Variants in RBBP5 observed in about 807,000 individuals in gnomAD.
The protein encoded by RBBP5 is retinoblastoma-binding protein 5.
Under a neutral mutation model 72.2 loss-of-function variants are expected in RBBP5, and 5 were observed. The ratio of observed to expected loss-of-function variants is 0.07; its 90% CI spans 0.04 to 0.15. The LOEUF (loss-of-function observed/expected upper bound fraction) is 0.15. Among genes scored for constraint, RBBP5 ranks in the 10% least tolerant of loss-of-function variants. The probability of loss-of-function intolerance (pLI) is 1.00; values close to 1 mark genes in which losing one functional copy is unlikely to be tolerated. For synonymous variants in RBBP5, 209 were observed against 237.2 expected (o/e 0.88, Z 1.09); for missense variants, 322 against 652.2 (o/e 0.49, Z 5.51).
intron 3 of RBBP5, among the ~76,000 whole-genome samples, chr1:205,109,470 T>C (rs1485008933): frequency 1.3e-5 from 2 of 152,202 alleles, no homozygotes; most frequent in South Asian, 2.1e-4. Context: ...ACAGGTTTCG[T>C]TGCTATTCTT....
In RBBP5 at chr1:205,094,971, G is replaced by T; in HGVS notation, c.1490C>A (p.Ser497Tyr). 2 of 1,614,114 alleles carry T rather than the reference G, an allele frequency of 1.2e-6. No individual in the cohort carries two copies. The highest frequency in any genetic ancestry group is 1.7e-6 in the Non-Finnish European group (2 of 1,180,018). The change falls in exon 13 of 14, where the codon TCT (serine) becomes TAT (tyrosine). Residue 497 changes from serine to tyrosine, a missense_variant. Physicochemically the swap from Ser to Tyr is moderately radical, Grantham distance 144. Around this residue, in one of 6 missense-constraint regions of RBBP5, gnomAD observed 109 missense variants for 146.3 expected, o/e 0.75. Transcript: ENST00000264515. ...PKGSKGKEKD[S>Y]PFKPKLYKGD... The stretch of plus-strand genomic sequence containing the variant: ...TTTGTAGAGTTTCGGTTTAAATGGA[G>T]AATCTTTCTCTTTACCTTTTGATCC...
Position 205,096,655 on chromosome 1 carries a change from G to C in RBBP5, c.1396+27C>G, listed in dbSNP as rs781538971. On this transcript the variant is annotated intron_variant, in intron 12 of 13. Coordinates refer to ENST00000264515, the MANE Select transcript of RBBP5 (RefSeq NM_005057.4). ...GTGAGTAGAAAGTGGCGTCTGCCAGGCCAGAGGGAGAAGATGTAGCTCTTA... is the reference window on the plus strand; with the variant it reads ...GTGAGTAGAAAGTGGCGTCTGCCAGCCCAGAGGGAGAAGATGTAGCTCTTA... The C allele has an allele frequency of 2.0e-5, 32 of 1,601,358 alleles. No homozygotes were observed. The East Asian group carries it at 6.7e-4, about 34-fold the overall frequency.
Position 205,101,610 on chromosome 1 carries a change from G to A in RBBP5, c.622C>T (p.Arg208Trp), listed in dbSNP as rs1268179012. 8.7e-6 allele frequency: 14 copies of A among 1,609,110 alleles called. No individual in the cohort carries two copies. The highest frequency in any genetic ancestry group is 2.2e-5 in the South Asian group (2 of 90,192). ...TTAIKSIEFA[R>W]KGSCFLINTA... The stretch of plus-strand genomic sequence containing the variant: ...TAAGATCTCACTCACCTCCCCTTCC[G>A]GGCAAACTCAATTGACTTAATGGCT... Residue 208 changes from arginine (R) to tryptophan (W), a missense_variant, in exon 6 of 14, where the codon CGG becomes TGG. Coordinates refer to ENST00000264515, the MANE Select transcript of RBBP5 (RefSeq NM_005057.4).
intron 1 of RBBP5, among the ~76,000 whole-genome samples, chr1:205,117,136 C>G (rs1328279765): frequency 1.3e-5 from 2 of 152,012 alleles, no homozygotes; most frequent in African/African-American, 2.4e-5. Flanking sequence ...ACTGCAACAT[C>G]TGCTTCCCAA....
At chr1:205,104,201 C>G (rs1251597458) in intron 4 of RBBP5, among the ~76,000 whole-genome samples, 182 bp from the exon 5 acceptor site, 1 of 152,038 alleles carries the variant, frequency 6.6e-6, no homozygotes. Flanking sequence ...TAAAATTAGT[C>G]TTGACAAAAT....
At position 205,096,864 on chromosome 1, in the gene RBBP5, G is replaced by A. The variant is rs765106506; in HGVS notation, c.1214C>T (p.Ala405Val). The A allele has an allele frequency of 6.2e-7, 1 of 1,613,792 alleles. No individual in the cohort carries two copies. The highest frequency in any genetic ancestry group is 8.5e-7 in the Non-Finnish European group (1 of 1,179,870). ...TTCTTCTGGGTCTTCTACCTCAGGG[G>A]CAATGGGTAAATACAATAGAGCCTT... ...DSKALLYLPI[A>V]PEVEDPEENP... The change falls in exon 12 of 14, where the codon GCC becomes GTC. Residue 405 changes from alanine to valine, a missense_variant. Ala to Val is a moderately conservative substitution (Grantham distance 64). Coordinates refer to ENST00000264515, the MANE Select transcript of RBBP5 (RefSeq NM_005057.4).
intron 3 of RBBP5, among the ~76,000 whole-genome samples, chr1:205,107,706 G>T (rs1179183145): frequency 1.3e-5 from 2 of 152,182 alleles, no homozygotes; most frequent in African/African-American, 4.8e-5. Context: ...AGTACTTTGG[G>T]AGGCCAAGGT....
At position 205,104,880 on chromosome 1, in the gene RBBP5, C is replaced by T. The variant is rs151060515; in HGVS notation, c.359+148G>A. 22 of 899,956 alleles carry T rather than the reference C, an allele frequency of 2.4e-5. No individual in the cohort carries two copies. In the Middle Eastern group the frequency reaches 2.2e-3, roughly 90 times the overall value. The allele number at this position is 899,956 out of a possible 1,614,324, so 55.7% of individuals were successfully genotyped here. On this transcript the variant is annotated intron_variant, in intron 4 of 13. Transcript: ENST00000264515. Reference sequence around the variant, plus strand: ...AAAGAAAGAAATGTATTCAGTAGAGCCAACCTAGATGGAAAGATTATTTTA... The same window carrying T: ...AAAGAAAGAAATGTATTCAGTAGAGTCAACCTAGATGGAAAGATTATTTTA...
At chr1:205,119,749 T>C (rs1479936740) in intron 1 of RBBP5, among the ~76,000 whole-genome samples, 1 of 152,242 alleles carries the variant, frequency 6.6e-6, no homozygotes, top group Non-Finnish European at 1.5e-5. Context: ...GATTAATACA[T>C]GGAAGGCACT....
At position 205,108,918 on chromosome 1, in the gene RBBP5, C is replaced by T. The variant is rs147217375; in HGVS notation, c.219-3750G>A. Reference sequence around the variant, plus strand: ...TTCTTGGCTTGGCACATAATAAGTACTCAATGCCTGATACATAATAAGTGC... The same window carrying T: ...TTCTTGGCTTGGCACATAATAAGTATTCAATGCCTGATACATAATAAGTGC... On this transcript the variant is annotated intron_variant, in intron 3 of 13. Transcript: ENST00000264515. Among the ~76,000 whole-genome samples the T allele has an allele frequency of 1.1e-3, 167 of 152,260 alleles. 2 individuals carry two copies. The highest frequency in any genetic ancestry group is 1.9e-3 in the Non-Finnish European group (128 of 68,024).
At chr1:205,105,306 A>C in intron 3 of RBBP5, 138 bp from the exon 4 acceptor site, 1 of 909,246 alleles carries the variant, frequency 1.1e-6, no homozygotes, top group Non-Finnish European at 1.6e-6. Context: ...CGTATACTCA[A>C]ATCCATAAGC....
intron 1 of RBBP5, among the ~76,000 whole-genome samples, chr1:205,116,490 T>A (rs780202420): frequency 6.6e-6 from 1 of 152,190 alleles, no homozygotes; most frequent in African/African-American, 2.4e-5. Flanking sequence ...TCACACCTTT[T>A]GGGCATTTCA....
Position 205,109,574 on chromosome 1 carries a change from T to TA in RBBP5, c.219-4407dup, listed in dbSNP as rs61377352. On this transcript the variant is annotated intron_variant, in intron 3 of 13. Coordinates refer to ENST00000264515, the MANE Select transcript of RBBP5 (RefSeq NM_005057.4). ...CTTCTGTACTAGGGGGTGGGTGGGG[T>TA]AAAAAAAAAAAGAAAAAAAACCTAC... is the stretch of plus-strand genomic sequence containing the variant. Among the ~76,000 whole-genome samples the TA allele has an allele frequency of 9.3e-5, 14 of 150,662 alleles. No homozygotes were observed. The South Asian group carries it at 2.1e-3, about 23-fold the overall frequency.
chr1:205,094,386 C>T (rs1032853911), intron 13 of RBBP5, among the ~76,000 whole-genome samples: 1 of 152,120 alleles, frequency 6.6e-6, no homozygotes, highest in African/African-American at 2.4e-5. Flanking sequence ...GGGATTTGAA[C>T]AATTTGAAGA....
At chr1:205,098,232 A>G (rs146645374) in intron 10 of RBBP5, among the ~76,000 whole-genome samples, 126 of 152,340 alleles carry the variant, frequency 8.3e-4, no homozygotes, top group African/African-American at 2.9e-3. Flanking sequence ...AGATGAGGAA[A>G]TTCAGTTTAA....
chr1:205,104,704 G>A (rs910654920), intron 4 of RBBP5, among the ~76,000 whole-genome samples: 3 of 151,984 alleles, frequency 2.0e-5, no homozygotes, highest in Non-Finnish European at 2.9e-5. Context: ...AGCCAGGCAT[G>A]GTGGCACGCA....
At chr1:205,094,844 G>A in intron 13 of RBBP5, 29 bp downstream of exon 13, 1 of 1,588,022 alleles carries the variant, frequency 6.3e-7, no homozygotes, top group Non-Finnish European at 8.6e-7. Context: ...CACGAAGCAA[G>A]CCAGACAATG....
At position 205,099,938 on chromosome 1, in the gene RBBP5, C is replaced by T. The variant is rs1164642418; in HGVS notation, c.879G>A (p.Thr293=). 1.9e-6 allele frequency: 3 copies of T among 1,614,168 alleles called. No individual in the cohort carries two copies. Among genetic ancestry groups the T allele is most frequent in the South Asian group, 1.1e-5 (1 of 91,086 alleles). The stretch of plus-strand genomic sequence containing the variant: ...CTACATCCAAGAGGAGTTCTCCTCT[C>T]GTCCCATGGAGAATCTTCACCAGGT... The part of the protein sequence containing the change: ...IGNLVKILHG[T]RGELLLDVAW... Residue 293 remains threonine (T), a synonymous_variant, in exon 8 of 14, where the codon ACG becomes ACA. Transcript: ENST00000264515. This position sits in a 1 kb window ranked among gnomAD's most constrained non-coding sequence, Gnocchi z 4.7.
At chr1:205,101,140 T>C (rs994535629) in intron 6 of RBBP5, among the ~76,000 whole-genome samples, 1 of 152,180 alleles carries the variant, frequency 6.6e-6, no homozygotes, top group African/African-American at 2.4e-5. Flanking sequence ...CTAAACAAAA[T>C]AGGAGGACTA....
Sources: gnomAD v4.1 joint callset for allele counts (sites outside exome capture counted in the v4.1 genomes callset) on GRCh38, gnomAD v4.1.1 for gene constraint, gnomAD v4.1.1 regional missense constraint, Gnocchi (gnomAD v3.1) non-coding constraint, MANE v1.5 for transcripts, NCBI Gene and HGNC (gene_info 2026-07-23, HGNC 2026-07-21) for gene names.